NOXA1: variants seen among roughly 807,000 people sequenced by gnomAD.
The protein encoded by NOXA1 is NADPH oxidase activator 1.
A neutral mutation model predicts 64.8 loss-of-function variants in NOXA1; 56 were observed. That is an observed-to-expected ratio of 0.86 (90% confidence interval 0.70 to 1.08). The LOEUF is 1.08. Among genes scored for constraint, NOXA1 ranks in the 50% least tolerant of loss-of-function variants. The probability of loss-of-function intolerance (pLI) is 0.00; values close to 1 mark genes in which losing one functional copy is unlikely to be tolerated. For synonymous variants in NOXA1, 295 were observed against 294.8 expected (o/e 1.00, Z -0.01); for missense variants, 668 against 658.5 (o/e 1.01, Z -0.16).
chr9:137,433,378 C>T (rs939807872), intron 10 of NOXA1, 75 bp from the exon 11 acceptor site: 42 of 1,514,752 alleles, frequency 2.8e-5, no homozygotes, highest in Non-Finnish European at 3.6e-5. Context: ...TCTGTCCACA[C>T]CCCTCGGGCT....
In NOXA1 at chr9:137,434,167, G is replaced by A. The variant is rs769049566; in HGVS notation, c.1295-57G>A. 15 of 1,581,404 alleles carry A rather than the reference G, an allele frequency of 9.5e-6. No individual in the cohort carries two copies. In the African/African-American group the frequency reaches 1.7e-4, roughly 18 times the overall value. Reference sequence around the variant, plus strand: ...CTCGGCCTGTGCTGTGAGCAGACGTGGCACCCAGAGGCCACGCCTGGGTAA... The same window carrying A: ...CTCGGCCTGTGCTGTGAGCAGACGTAGCACCCAGAGGCCACGCCTGGGTAA... On this transcript the variant is annotated intron_variant, in intron 13 of 13. Coordinates refer to ENST00000683555, the MANE Select transcript of NOXA1 (RefSeq NM_001256067.2).
rs760176398 is a variant in NOXA1, at chr9:137,433,950, A to C, written c.1180-15A>C. Reference sequence around the variant, plus strand: ...CAGTGCCCGGCCCGACCTGCAGCCCACTCTCCTGCCTCAGGGAGCCGGGGG... The same window carrying C: ...CAGTGCCCGGCCCGACCTGCAGCCCCCTCTCCTGCCTCAGGGAGCCGGGGG... On this transcript the variant is annotated splice_polypyrimidine_tract_variant and intron_variant, in intron 12 of 13. Transcript: ENST00000683555. 1.1e-5 allele frequency: 17 copies of C among 1,537,592 alleles called. No individual in the cohort carries two copies. Among genetic ancestry groups the C allele is most frequent in the Non-Finnish European group, 1.2e-5 (14 of 1,143,874 alleles).
At position 137,434,002 on chromosome 9, in the gene NOXA1, C is replaced by T. The variant is rs1424199199; in HGVS notation, c.1217C>T (p.Ala406Val). 21 of 1,564,772 alleles carry T rather than the reference C, an allele frequency of 1.3e-5. No individual in the cohort carries two copies. The highest frequency in any genetic ancestry group is 1.9e-5 in the Admixed American group (1 of 52,038). ...GGRPVLYQVV[A>V]QHSYSAQGPE... is the part of the protein sequence containing the mutation. ...CGGCCGGTCCTCTACCAGGTGGTGG[C>T]CCAGCACAGCTACTCCGCCCAGGGG... Residue 406 changes from alanine (A) to valine (V), a missense_variant, in exon 13 of 14, where the codon GCC becomes GTC. Transcript: ENST00000683555.
chr9:137,429,399 G>C lies in NOXA1; in HGVS notation c.612+16G>C, dbSNP rs1312918749. 2 of 1,522,418 alleles carry C rather than the reference G, an allele frequency of 1.3e-6. No individual in the cohort carries two copies. Among genetic ancestry groups the C allele is most frequent in the Admixed American group, 3.9e-5 (2 of 50,940 alleles). The allele number at this position is 1,522,418 out of a possible 1,614,324, so 94.3% of individuals were successfully genotyped here. On this transcript the variant is annotated intron_variant, in intron 5 of 13. Coordinates refer to ENST00000683555, the MANE Select transcript of NOXA1 (RefSeq NM_001256067.2). Reference sequence around the variant, plus strand: ...CAAGGCCAAGGTAAAGGTGGGGACGGCGTCCTGGGGCATGGCGGCTGGTGC... The same window carrying C: ...CAAGGCCAAGGTAAAGGTGGGGACGCCGTCCTGGGGCATGGCGGCTGGTGC...
In NOXA1 at chr9:137,434,301, C is replaced by T. The variant is rs1357700163; in HGVS notation, c.1372C>T (p.Pro458Ser). The change falls in exon 14 of 14, where the codon CCT becomes TCT. Residue 458 changes from proline (P) to serine (S), a missense_variant. By Grantham distance (74) the Pro-to-Ser change is moderately conservative. Transcript: ENST00000683555. ...CAAGTGCTTCGTGGTCCCCGCCGGC[C>T]CTCGGATGTCAGGAGCCCCCGGCCG... ...FPKCFVVPAG[P>S]RMSGAPGRLP... 1 of 1,610,486 alleles carries T rather than the reference C, an allele frequency of 6.2e-7. No homozygotes were observed. The highest frequency in any genetic ancestry group is 2.2e-5 in the East Asian group (1 of 44,878).
intron 3 of NOXA1, among the ~76,000 whole-genome samples, chr9:137,428,510 C>T (rs1038310217): frequency 9.9e-5 from 15 of 151,834 alleles, no homozygotes; most frequent in African/African-American, 2.7e-4. Flanking sequence ...CACCAGACCC[C>T]GGAAATGCAT....
chr9:137,431,121 C>T lies in NOXA1; in HGVS notation c.698+21C>T. On this transcript the variant is annotated intron_variant, in intron 7 of 13. Transcript: ENST00000683555. This position sits in a 1 kb window ranked among gnomAD's most constrained non-coding sequence, Gnocchi z 5.6. Reference sequence around the variant, plus strand: ...GCCAGGTAGGAGGGGCTGACTGGGCCCTGCGAGCGCGTGCCTTTCCTGCTG... The same window carrying T: ...GCCAGGTAGGAGGGGCTGACTGGGCTCTGCGAGCGCGTGCCTTTCCTGCTG... The T allele has an allele frequency of 3.7e-6, 6 of 1,613,038 alleles. No individual in the cohort carries two copies. The highest frequency in any genetic ancestry group is 4.2e-6 in the Non-Finnish European group (5 of 1,179,934).
In NOXA1 at chr9:137,431,070, C is replaced by T; in HGVS notation, c.673-5C>T. On this transcript the variant is annotated splice_region_variant and splice_polypyrimidine_tract_variant and intron_variant, in intron 6 of 13. Coordinates refer to ENST00000683555, the MANE Select transcript of NOXA1 (RefSeq NM_001256067.2). The surrounding 1 kb of genome is among the most constrained non-coding windows in gnomAD (Gnocchi z 5.6). ...CAGAGCGAGGTTGTTGCTTTGTGTCCACAGGGACCAGGAGCGAACCATGAT... is the reference window on the plus strand; with the variant it reads ...CAGAGCGAGGTTGTTGCTTTGTGTCTACAGGGACCAGGAGCGAACCATGAT... The T allele has an allele frequency of 1.2e-6, 2 of 1,613,298 alleles. No homozygotes were observed. The highest frequency in any genetic ancestry group is 1.7e-6 in the Non-Finnish European group (2 of 1,179,986).
chr9:137,433,093 GC>G lies in NOXA1; in HGVS notation c.850+20del. ...TCCCCAGGTATGGGCGTCCTCAGCG[GC>G]GGGGTCCCCGGGTGAAGGAGGAAGC... On this transcript the variant is annotated intron_variant, in intron 9 of 13. Coordinates refer to ENST00000683555, the MANE Select transcript of NOXA1 (RefSeq NM_001256067.2). The G allele has an allele frequency of 6.2e-7, 1 of 1,612,754 alleles. No homozygotes were observed. Among genetic ancestry groups the G allele is most frequent in the African/African-American group, 1.3e-5 (1 of 75,046 alleles).
intron 1 of NOXA1, among the ~76,000 whole-genome samples, chr9:137,425,061 G>A (rs1838794310): frequency 6.6e-6 from 1 of 152,238 alleles, no homozygotes; most frequent in Non-Finnish European, 1.5e-5. Flanking sequence ...GGGCAGACAG[G>A]TGGGTTCTGC....
chr9:137,428,695 G>C (rs965501603), intron 3 of NOXA1, among the ~76,000 whole-genome samples, 187 bp from the exon 4 acceptor site: 12 of 143,110 alleles, frequency 8.4e-5, no homozygotes. Flanking sequence ...AGCTGGGTGG[G>C]GAGACGGGGG....
chr9:137,428,860 A>G (rs1187019009), intron 3 of NOXA1, 22 bp from the exon 4 acceptor site: 1 of 1,558,132 alleles, frequency 6.4e-7, no homozygotes, highest in East Asian at 2.4e-5. Context: ...GGCCCCTGCC[A>G]TCACCTTGGC....
chr9:137,433,273 T>G lies in NOXA1; in HGVS notation c.909+10T>G, dbSNP rs967708108. ...CCCCGCGGGTGCTGGGGTAAGAGGCTCTAGACCCTTCACCTGTCAGTCACC... is the reference window on the plus strand; with the variant it reads ...CCCCGCGGGTGCTGGGGTAAGAGGCGCTAGACCCTTCACCTGTCAGTCACC... On this transcript the variant is annotated intron_variant, in intron 10 of 13. Coordinates refer to ENST00000683555, the MANE Select transcript of NOXA1 (RefSeq NM_001256067.2). The G allele has an allele frequency of 5.1e-6, 8 of 1,563,204 alleles. No individual in the cohort carries two copies. Among genetic ancestry groups the G allele is most frequent in the Non-Finnish European group, 3.5e-6 (4 of 1,156,584 alleles).
rs773498811 is a variant in NOXA1 at position 137,433,059 on chromosome 9, G to C, written c.835G>C (p.Ala279Pro). ...RPQVEQVGKQ[A>P]PLSPGLPAMG... ...CCAGGTGGAGCAAGTTGGCAAACAGGCTCCTCTCTCCCCAGGTATGGGCGT... is the reference window on the plus strand; with the variant it reads ...CCAGGTGGAGCAAGTTGGCAAACAGCCTCCTCTCTCCCCAGGTATGGGCGT... The change falls in exon 9 of 14, where the codon GCT (alanine) becomes CCT (proline). Residue 279 changes from alanine to proline, a missense_variant. Ala to Pro is a conservative substitution (Grantham distance 27, BLOSUM62 -1). Transcript: ENST00000683555. 11 of 1,612,690 alleles carry C rather than the reference G, an allele frequency of 6.8e-6. No homozygotes were observed. The highest frequency in any genetic ancestry group is 6.7e-5 in the East Asian group (3 of 44,876).
At chr9:137,429,808 C>CT (rs1839011456) in intron 5 of NOXA1, among the ~76,000 whole-genome samples, 2 of 124,472 alleles carry the variant, frequency 1.6e-5, no homozygotes, top group African/African-American at 6.1e-5. Flanking sequence ...TAGCGAGGTC[C>CT]CGGGGGGGTC....
intron 5 of NOXA1, among the ~76,000 whole-genome samples, chr9:137,430,309 C>G (rs1211209613): frequency 7.2e-6 from 1 of 139,262 alleles, no homozygotes; most frequent in East Asian, 3.0e-4. Context: ...GCGGGCGAAA[C>G]ATGGCGGAGA....
rs1011734039 is a variant in NOXA1, at chr9:137,433,679, G to A, written c.1065-71G>A. On this transcript the variant is annotated intron_variant, in intron 11 of 13. Coordinates refer to ENST00000683555, the MANE Select transcript of NOXA1 (RefSeq NM_001256067.2). Reference sequence around the variant, plus strand: ...CCGACTGAGGCAGCTGCTGGAAGAGGGGGTGGCAGAGGTCACTGCCCTCCC... The same window carrying A: ...CCGACTGAGGCAGCTGCTGGAAGAGAGGGTGGCAGAGGTCACTGCCCTCCC... 4.0e-6 allele frequency: 6 copies of A among 1,509,896 alleles called. No individual in the cohort carries two copies. The Admixed American group carries it at 1.0e-4, about 26-fold the overall frequency. The allele number at this position is 1,509,896 out of a possible 1,614,324, so 93.5% of individuals were successfully genotyped here.
At chr9:137,433,170 G>A (rs1839190607) in intron 9 of NOXA1, 35 bp from the exon 10 acceptor site, 1 of 1,609,280 alleles carries the variant, frequency 6.2e-7, no homozygotes, top group Non-Finnish European at 8.5e-7. Context: ...CCACTTTGGT[G>A]GTAGTGGCTG....
At position 137,433,498 on chromosome 9, in the gene NOXA1, C is replaced by T. The variant is rs1209333456; in HGVS notation, c.955C>T (p.Gln319Ter). The part of the protein sequence containing the change: ...GSEPLVTVTV[Q>*]CAFTVALRAR... Reference sequence around the variant, plus strand: ...CGAGCCCCTGGTGACTGTCACCGTGCAGTGCGCCTTCACAGTGGCCCTGAG... The same window carrying T: ...CGAGCCCCTGGTGACTGTCACCGTGTAGTGCGCCTTCACAGTGGCCCTGAG... Residue 319 changes from glutamine to a stop codon, truncating the protein, a stop_gained, in exon 11 of 14, where the codon CAG (glutamine) becomes TAG (stop). Coordinates refer to ENST00000683555, the MANE Select transcript of NOXA1 (RefSeq NM_001256067.2). LOFTEE classifies it high-confidence loss of function. 1 of 1,604,188 alleles carries T rather than the reference C, an allele frequency of 6.2e-7. No homozygotes were observed. The highest frequency in any genetic ancestry group is 1.1e-5 in the South Asian group (1 of 90,180).
Sources: allele counts gnomAD v4.1 joint callset (sites outside exome capture counted in the v4.1 genomes callset), GRCh38; gene constraint gnomAD v4.1.1; non-coding constraint Gnocchi (gnomAD v3.1); transcripts MANE v1.5; gene names NCBI Gene and HGNC (gene_info 2026-07-23, HGNC 2026-07-21).